Variants in DUSP11 observed in about 807,000 individuals in gnomAD.
DUSP11 encodes the protein RNA/RNP complex-1-interacting phosphatase.
A neutral mutation model predicts 41.4 loss-of-function variants in DUSP11; 27 were observed. That is an observed-to-expected ratio of 0.65 (90% CI 0.48 to 0.90). The LOEUF is 0.90. Ranked by LOEUF, DUSP11 falls within the 40% of genes least tolerant of loss-of-function variation. The pLI is 0.00. For synonymous variants in DUSP11, 188 were observed against 159.3 expected, an observed-to-expected ratio of 1.18 and a Z score of -1.35; for missense variants, 465 against 461.1, an observed-to-expected ratio of 1.01 and a Z score of -0.08.
At chr2:73,777,417 G>A (rs1672708099) in intron 2 of DUSP11, among the ~76,000 whole-genome samples, 1 of 152,234 alleles carries the variant, frequency 6.6e-6, no homozygotes, top group Non-Finnish European at 1.5e-5. Context: ...TCTGAGCTAT[G>A]CTGGGGAAGT....
At chr2:73,769,192 T>C (rs1022198962) in intron 5 of DUSP11, 73 bp downstream of exon 5, 17 of 1,350,568 alleles carry the variant, frequency 1.3e-5, no homozygotes, top group South Asian at 1.0e-4. Context: ...TTCCATTTTT[T>C]ACAACCTTAC....
At chr2:73,766,658 T>TACTAA in intron 7 of DUSP11, 64 bp from the exon 8 acceptor site, 1 of 1,508,734 alleles carries the variant, frequency 6.6e-7, no homozygotes, top group Non-Finnish European at 9.0e-7. Context: ...ATTTAGTGAC[T>TACTAA]ATATTTTGGC....
At chr2:73,770,410 G>A (rs569334252) in intron 4 of DUSP11, among the ~76,000 whole-genome samples, 1 of 151,694 alleles carries the variant, frequency 6.6e-6, no homozygotes, top group African/African-American at 2.4e-5. Flanking sequence ...AGCTACTCGG[G>A]AGGCTGAGGC....
At chr2:73,766,633 C>A (rs756686606) in intron 7 of DUSP11, 39 bp from the exon 8 acceptor site, 9 of 1,561,010 alleles carry the variant, frequency 5.8e-6, no homozygotes, top group Non-Finnish European at 1.7e-6. Flanking sequence ...TACTGGTTTC[C>A]AAATTTAGTA....
At position 73,778,234 on chromosome 2, in the gene DUSP11, G is replaced by A. The variant is rs913678019; in HGVS notation, c.318+67C>T. 5.4e-5 allele frequency: 55 copies of A among 1,022,878 alleles called. No homozygotes were observed. In the African/African-American group the frequency reaches 5.8e-4, roughly 11 times the overall value. The allele number at this position is 1,022,878 out of a possible 1,614,324, so 63.4% of individuals were successfully genotyped here. The stretch of plus-strand genomic sequence containing the variant: ...AAAAGAGAAAATGGAATGTGATAGA[G>A]TGGAGAGCAGTGTTCTGCATGGTGA... On this transcript the variant is annotated intron_variant, in intron 2 of 8. Transcript: ENST00000272444.
chr2:73,766,479 GGATCT>G lies in DUSP11; in HGVS notation c.869_873del (p.Gln290ProfsTer65). On this transcript the variant is annotated frameshift_variant, in exon 8 of 9. Transcript: ENST00000272444. LOFTEE classifies it high-confidence loss of function. ...AAATGTCGAGGAGCTGAGTGACCCT[GGATCT>G]GATGTAGATTATACCTAGGTCCTTG... 1 of 1,614,086 alleles carries G rather than the reference GGATCT, an allele frequency of 6.2e-7. No individual in the cohort carries two copies. The highest frequency in any genetic ancestry group is 1.3e-5 in the African/African-American group (1 of 75,030).
intron 4 of DUSP11, among the ~76,000 whole-genome samples, chr2:73,771,553 G>A (rs188714979): frequency 9.9e-5 from 15 of 151,878 alleles, no homozygotes; most frequent in African/African-American, 3.4e-4. Flanking sequence ...GAGTGCAGTG[G>A]CGCAATCTCG....
At chr2:73,774,822 T>A (rs1672648772) in intron 3 of DUSP11, 91 bp downstream of exon 3, 1 of 1,164,918 alleles carries the variant, frequency 8.6e-7, no homozygotes, top group Non-Finnish European at 1.2e-6. Flanking sequence ...AAGGCCAAGC[T>A]TCACATTAGC....
intron 2 of DUSP11, among the ~76,000 whole-genome samples, chr2:73,776,323 G>A (rs1370430418): frequency 6.7e-6 from 1 of 150,270 alleles, no homozygotes; most frequent in Non-Finnish European, 1.5e-5. Context: ...GCAGAGGCAG[G>A]AGAATGGCGT....
rs1672628039 is a variant in DUSP11 at position 73,773,727 on chromosome 2, T to C, written c.574+73A>G. On this transcript the variant is annotated intron_variant, in intron 4 of 8. Transcript: ENST00000272444. The stretch of plus-strand genomic sequence containing the variant: ...AATACAACAGGTCTGAGGTTGGAAC[T>C]ATAAAAAAATACCAAAAATCCCCAA... 1.0e-5 allele frequency: 15 copies of C among 1,460,618 alleles called. No individual in the cohort carries two copies. In the South Asian group the frequency reaches 1.4e-4, roughly 14 times the overall value. The allele number at this position is 1,460,618 out of a possible 1,614,324, so 90.5% of individuals were successfully genotyped here. A position where few individuals can be genotyped will look rare whatever the true frequency, so the allele number is the denominator to read the frequency against.
intron 4 of DUSP11, among the ~76,000 whole-genome samples, chr2:73,771,982 G>A (rs1672592048): frequency 6.9e-6 from 1 of 145,086 alleles, no homozygotes; most frequent in African/African-American, 2.6e-5. Flanking sequence ...CACCACGCCT[G>A]GCTAATTTTT....
Position 73,767,238 on chromosome 2 carries a change from T to C in DUSP11, c.636-31A>G, listed in dbSNP as rs766021045. 5 of 1,577,466 alleles carry C rather than the reference T, an allele frequency of 3.2e-6. No homozygotes were observed. The East Asian group carries it at 1.1e-4, about 35-fold the overall frequency. ...AAAACAACATAATTTGGGTCATTTA[T>C]ATACGAAAAGAAAAAAATCAAGTTT... On this transcript the variant is annotated intron_variant, in intron 5 of 8. Transcript: ENST00000272444.
intron 2 of DUSP11, among the ~76,000 whole-genome samples, chr2:73,776,642 CTA>C (rs1324135233): frequency 6.6e-6 from 1 of 152,042 alleles, no homozygotes; most frequent in Admixed American, 6.6e-5. Context: ...GTGATTCATT[CTA>C]TGTTATGCAT....
At position 73,770,459 on chromosome 2, in the gene DUSP11, G is replaced by T. The variant is rs149247146; in HGVS notation, c.575-1134C>A. Among the ~76,000 whole-genome samples, 21 of 150,690 alleles carry T rather than the reference G, an allele frequency of 1.4e-4. No homozygotes were observed. The East Asian group carries it at 3.1e-3, about 22-fold the overall frequency. On this transcript the variant is annotated intron_variant, in intron 4 of 8. Coordinates refer to ENST00000272444, the Ensembl canonical transcript of DUSP11. Reference sequence around the variant, plus strand: ...GAACCCAGGAGACGGAGGTTGCAGTGTGCCAAAATGGTGCCACTGCGCTCC... The same window carrying T: ...GAACCCAGGAGACGGAGGTTGCAGTTTGCCAAAATGGTGCCACTGCGCTCC...
rs200053499 is a variant in DUSP11, at chr2:73,778,395, G to C, written c.243-19C>G. On this transcript the variant is annotated intron_variant, in intron 1 of 8. Transcript: ENST00000272444. ...TTTCCACCTATTAGATATATTTTTTGTTAGCCAAATTGTATGTTAGCCTTG... is the reference window on the plus strand; with the variant it reads ...TTTCCACCTATTAGATATATTTTTTCTTAGCCAAATTGTATGTTAGCCTTG... The C allele has an allele frequency of 6.2e-5, 91 of 1,457,292 alleles. No individual in the cohort carries two copies. The highest frequency in any genetic ancestry group is 8.1e-5 in the Non-Finnish European group (88 of 1,092,028). The allele number at this position is 1,457,292 out of a possible 1,614,324, so 90.3% of individuals were successfully genotyped here. A position where few individuals can be genotyped will look rare whatever the true frequency, so the allele number is the denominator to read the frequency against.
At chr2:73,763,835 T>C (rs1194016450) in intron 8 of DUSP11, among the ~76,000 whole-genome samples, 2 of 152,238 alleles carry the variant, frequency 1.3e-5, no homozygotes, top group African/African-American at 4.8e-5. Flanking sequence ...TTTTGTTCTT[T>C]TCCCCAGCAT....
rs1672681634 is a variant in DUSP11, at chr2:73,776,173, G to T, written c.319-1129C>A. 2.6e-5 allele frequency among the ~76,000 whole-genome samples: 4 copies of T among 151,956 alleles called. No individual in the cohort carries two copies. The South Asian group carries it at 8.3e-4, about 32-fold the overall frequency. On this transcript the variant is annotated intron_variant, in intron 2 of 8. Coordinates refer to ENST00000272444, the Ensembl canonical transcript of DUSP11. ...CTCAAGCCTGTAATCCCAGCACTTT[G>T]GGAGGCCGAGGCAGGAGGATCACGA... is the stretch of plus-strand genomic sequence containing the variant.
At chr2:73,766,751 T>C (rs1384650062) in intron 7 of DUSP11, 77 bp downstream of exon 7, 3 of 1,388,874 alleles carry the variant, frequency 2.2e-6, no homozygotes, top group Middle Eastern at 1.8e-4. Context: ...ACCAGAAGAA[T>C]GAACATATGC....
exon 1 of DUSP11, chr2:73,780,002 T>G: frequency 6.2e-7 from 1 of 1,614,194 alleles, no homozygotes; most frequent in South Asian, 1.1e-5. Context: ...GCCCACCCAA[T>G]GCCAAGTCGG....
Sources: gnomAD v4.1 joint callset for allele counts (sites outside exome capture counted in the v4.1 genomes callset) on GRCh38, gnomAD v4.1.1 for gene constraint, MANE v1.5 for transcripts, NCBI Gene and HGNC (gene_info 2026-07-23, HGNC 2026-07-21) for gene names.